Variants in UBE2E3 observed in about 807,000 individuals in gnomAD.
The protein encoded by UBE2E3 is ubiquitin conjugating enzyme E2 E3.
In UBE2E3, 5 loss-of-function variants were observed where a neutral mutation model predicts 23.6. The observed-to-expected ratio is 0.21, with a 90% CI of 0.11 to 0.44. The LOEUF (loss-of-function observed/expected upper bound fraction) is 0.44. UBE2E3 is among the 20% of genes least tolerant of loss of function. The probability of loss-of-function intolerance (pLI) is 0.99; values close to 1 mark genes in which losing one functional copy is unlikely to be tolerated. For synonymous variants in UBE2E3, 78 were observed against 87.5 expected, an observed-to-expected ratio of 0.89 and a Z score of 0.60; for missense variants, 81 against 249.8, an observed-to-expected ratio of 0.32 and a Z score of 4.55.
intron 3 of UBE2E3, among the ~76,000 whole-genome samples, chr2:181,045,071 G>A (rs1686630467): frequency 6.6e-6 from 1 of 152,148 alleles, no homozygotes; most frequent in Non-Finnish European, 1.5e-5. Context: ...AGCAGAAAGA[G>A]AGGGAGGGAA....
intron 3 of UBE2E3, among the ~76,000 whole-genome samples, chr2:181,023,024 C>T (rs756565653): frequency 4.5e-4 from 68 of 152,304 alleles, no homozygotes; most frequent in Non-Finnish European, 5.4e-4. Flanking sequence ...ATGTTTTTTA[C>T]GATGGTGAGA....
chr2:181,043,101 A>T (rs1161068320), intron 3 of UBE2E3, among the ~76,000 whole-genome samples: 2 of 152,230 alleles, frequency 1.3e-5, no homozygotes, highest in African/African-American at 4.8e-5. Context: ...GTTTTAAATA[A>T]AAGTATATAA....
chr2:181,053,658 G>A, intron 3 of UBE2E3, among the ~76,000 whole-genome samples: 1 of 151,738 alleles, frequency 6.6e-6, no homozygotes. Flanking sequence ...CACTACAGTG[G>A]TATAGTTGTT....
intron 3 of UBE2E3, among the ~76,000 whole-genome samples, chr2:181,008,293 A>C (rs1685212264): frequency 6.6e-6 from 1 of 152,210 alleles, no homozygotes; most frequent in Admixed American, 6.5e-5. Flanking sequence ...CAATAGTGTA[A>C]GTCTCAAAGC....
At chr2:181,042,114 A>T (rs1686529327) in intron 3 of UBE2E3, among the ~76,000 whole-genome samples, 1 of 152,208 alleles carries the variant, frequency 6.6e-6, no homozygotes, top group Non-Finnish European at 1.5e-5. Context: ...TTGTTTCAGG[A>T]TATCACATTG....
rs72883596 is a variant in UBE2E3, at chr2:181,014,378, A to G, written c.245+30285A>G. On this transcript the variant is annotated intron_variant, in intron 3 of 5. Coordinates refer to ENST00000410062, the MANE Select transcript of UBE2E3 (RefSeq NM_006357.4). ...GGGTTGGAAATTATTTGAGTATTTT[A>G]GGTGTATAGATGGCAGTATGTATCA... Among the ~76,000 whole-genome samples, 653 of 152,326 alleles carry G rather than the reference A, an allele frequency of 4.3e-3. 2 individuals carry two copies. Among genetic ancestry groups the G allele is most frequent in the Non-Finnish European group, 7.6e-3 (517 of 68,016 alleles).
intron 3 of UBE2E3, among the ~76,000 whole-genome samples, chr2:181,053,024 A>G (rs980369902): frequency 1.3e-5 from 2 of 151,602 alleles, no homozygotes; most frequent in Non-Finnish European, 2.9e-5. Flanking sequence ...TAGTCGTTTC[A>G]CCACCCTTTA....
At chr2:180,987,203 A>G in intron 3 of UBE2E3, 1 of 974,524 alleles carries the variant, frequency 1.0e-6, no homozygotes, top group Admixed American at 2.7e-5. Flanking sequence ...CATAAAGTAT[A>G]AATAATTTAT....
chr2:180,999,398 A>C (rs1684929028), intron 3 of UBE2E3, among the ~76,000 whole-genome samples: 1 of 152,188 alleles, frequency 6.6e-6, no homozygotes, highest in African/African-American at 2.4e-5. Flanking sequence ...GCTGTGAAGG[A>C]TTCACAAATA....
chr2:181,029,796 C>T (rs976130056), intron 3 of UBE2E3, among the ~76,000 whole-genome samples: 58 of 144,340 alleles, frequency 4.0e-4, no homozygotes, highest in Non-Finnish European at 7.4e-4. Context: ...TGATGTTTGG[C>T]GTGGGTGTTT....
intron 5 of UBE2E3, among the ~76,000 whole-genome samples, chr2:181,062,376 A>C (rs1366458847): frequency 6.6e-6 from 1 of 151,704 alleles, no homozygotes; most frequent in Non-Finnish European, 1.5e-5. Context: ...GAATGAAGGA[A>C]GCATTTTATT....
intron 3 of UBE2E3, among the ~76,000 whole-genome samples, chr2:181,006,915 T>A (rs1043918150): frequency 1.3e-5 from 2 of 152,218 alleles, no homozygotes; most frequent in African/African-American, 4.8e-5. Flanking sequence ...AGAGTAAAAT[T>A]ACTTTAAAAG....
chr2:181,051,473 A>G (rs1409589069), intron 3 of UBE2E3, among the ~76,000 whole-genome samples: 1 of 151,806 alleles, frequency 6.6e-6, no homozygotes, highest in Admixed American at 6.6e-5. Flanking sequence ...TTTGTAATGA[A>G]CTGATTTATA....
chr2:180,983,715 A>G (rs564329399), intron 2 of UBE2E3, among the ~76,000 whole-genome samples: 7 of 152,210 alleles, frequency 4.6e-5, no homozygotes, highest in Non-Finnish European at 1.5e-5. Flanking sequence ...TCTCATTTGC[A>G]TATAAGCTTG....
chr2:180,995,273 A>T (rs893971837), intron 3 of UBE2E3, among the ~76,000 whole-genome samples: 3 of 152,182 alleles, frequency 2.0e-5, no homozygotes, highest in African/African-American at 7.2e-5. Flanking sequence ...CTTTACAAGA[A>T]AAAGTTGTAA....
chr2:181,040,937 A>G (rs536053986), intron 3 of UBE2E3, among the ~76,000 whole-genome samples: 42 of 152,172 alleles, frequency 2.8e-4, no homozygotes, highest in African/African-American at 9.4e-4. Context: ...ATGCTTCAGC[A>G]CATTTCCTTT....
chr2:181,005,224 T>G (rs1658729394), intron 3 of UBE2E3, among the ~76,000 whole-genome samples: 1 of 152,220 alleles, frequency 6.6e-6, no homozygotes, highest in African/African-American at 2.4e-5. Context: ...ACTCCATGAT[T>G]AGACAGACTT....
At chr2:181,031,844 G>T (rs916682511) in intron 3 of UBE2E3, among the ~76,000 whole-genome samples, 2 of 152,132 alleles carry the variant, frequency 1.3e-5, no homozygotes, top group African/African-American at 4.8e-5. Context: ...ATAAGACAAT[G>T]ATTGTGAAAC....
At chr2:180,980,454 C>T (rs903434712), upstream of UBE2E3, 8 of 150,814 alleles carry the variant, frequency 5.3e-5, no homozygotes, top group African/African-American at 1.9e-4. This position sits in a 1 kb window ranked among gnomAD's most constrained non-coding sequence, Gnocchi z 5.5. Flanking sequence ...CGCGTGCACC[C>T]CCAGGGTGAG....
Sources: gnomAD v4.1 joint callset for allele counts (sites outside exome capture counted in the v4.1 genomes callset) on GRCh38, gnomAD v4.1.1 for gene constraint, Gnocchi (gnomAD v3.1) non-coding constraint, MANE v1.5 for transcripts, NCBI Gene and HGNC (gene_info 2026-07-23, HGNC 2026-07-21) for gene names.